The following RIMBP2 variants were observed in gnomAD, a reference collection of about 807,000 sequenced individuals.
RIMBP2 encodes RIMS binding protein 2.
Under a neutral mutation model 118.6 loss-of-function variants are expected in RIMBP2, and 48 were observed. That is an observed-to-expected ratio of 0.40 (90% CI 0.32 to 0.51). The LOEUF (loss-of-function observed/expected upper bound fraction) is 0.51. RIMBP2 is among the 20% of genes least tolerant of loss of function. The pLI is 0.41. For synonymous variants in RIMBP2, 762 were observed against 742.9 expected (o/e 1.03, Z -0.42); for missense variants, 1,551 against 1,768.3 (o/e 0.88, Z 2.20).
rs1367022577 is a variant in RIMBP2, at chr12:130,434,896, G to A, written c.2107-16C>T. The A allele has an allele frequency of 3.1e-6, 5 of 1,597,076 alleles. No homozygotes were observed. The highest frequency in any genetic ancestry group is 1.1e-5 in the South Asian group (1 of 89,552). On this transcript the variant is annotated splice_polypyrimidine_tract_variant and intron_variant, in intron 13 of 22. Coordinates refer to ENST00000690449, the MANE Select transcript of RIMBP2 (RefSeq NM_001393629.1). This position sits in a 1 kb window ranked among gnomAD's most constrained non-coding sequence, Gnocchi z 5.7. Reference sequence around the variant, plus strand: ...TTTTCTCTAACTTGGAAAGAAAAAGGAGGCACACGGGTGAGGCAGGGCCAC... The same window carrying A: ...TTTTCTCTAACTTGGAAAGAAAAAGAAGGCACACGGGTGAGGCAGGGCCAC...
intron 2 of RIMBP2, among the ~76,000 whole-genome samples, chr12:130,540,334 G>A (rs2054493420): frequency 6.6e-6 from 1 of 152,178 alleles, no homozygotes; most frequent in Non-Finnish European, 1.5e-5. Context: ...AAAGGCAGGT[G>A]AATTAAGGAA....
At chr12:130,494,666 G>GAAAAGA (rs111312487) in intron 4 of RIMBP2, among the ~76,000 whole-genome samples, 42 of 147,812 alleles carry the variant, frequency 2.8e-4, no homozygotes, top group African/African-American at 9.3e-4. Context: ...GAAAAGAAAA[G>GAAAAGA]AAAGAGCAAA....
chr12:130,624,732 T>G (rs534404925), intron 2 of RIMBP2, among the ~76,000 whole-genome samples: 1 of 152,354 alleles, frequency 6.6e-6, no homozygotes, highest in East Asian at 1.9e-4. Flanking sequence ...GGATTATATT[T>G]GGGTTTCTTT....
At chr12:130,588,318 T>C (rs2140289435) in intron 2 of RIMBP2, among the ~76,000 whole-genome samples, 1 of 152,326 alleles carries the variant, frequency 6.6e-6, no homozygotes, top group Non-Finnish European at 1.5e-5. Context: ...GTTTAGCTCA[T>C]TTTGTAATAT....
intron 6 of RIMBP2, among the ~76,000 whole-genome samples, chr12:130,457,210 C>T (rs756591252): frequency 1.2e-4 from 18 of 152,194 alleles, no homozygotes; most frequent in Non-Finnish European, 1.8e-4. Flanking sequence ...CCAGGGCGCC[C>T]GCCCCCTCGG....
intron 2 of RIMBP2, among the ~76,000 whole-genome samples, chr12:130,531,473 T>C (rs766046758): frequency 1.3e-5 from 2 of 152,270 alleles, no homozygotes; most frequent in Middle Eastern, 3.2e-3. Context: ...ACATTTTATC[T>C]AGGACGCACC....
intron 13 of RIMBP2, among the ~76,000 whole-genome samples, chr12:130,435,151 T>C (rs1397831079): frequency 6.6e-6 from 1 of 151,726 alleles, no homozygotes; most frequent in African/African-American, 2.4e-5. Context: ...GTTCAAGCAA[T>C]TCTCCTGCCA....
At position 130,628,381 on chromosome 12, in the gene RIMBP2, G is replaced by T. The variant is rs551762883; in HGVS notation, c.-276C>A. On this transcript the variant is annotated 5_prime_UTR_variant, in exon 2 of 23. Transcript: ENST00000690449. ...AGAGGAAGTGGGAAATTTCCCCAGC[G>T]GTCTCCCAAAGCTTGGGTCTGATCG... The T allele has an allele frequency of 6.6e-6, 1 of 152,174 alleles. No homozygotes were observed. The highest frequency in any genetic ancestry group is 1.5e-5 in the Non-Finnish European group (1 of 68,040). The allele number at this position is 152,174 out of a possible 1,614,324, so 9.4% of individuals were successfully genotyped here.
intron 6 of RIMBP2, among the ~76,000 whole-genome samples, chr12:130,459,775 CG>C (rs988966000): frequency 6.6e-6 from 1 of 151,154 alleles, no homozygotes; most frequent in Non-Finnish European, 1.5e-5. Flanking sequence ...CCAGAAATGA[CG>C]GGGGGTGGGG....
At chr12:130,515,171 C>T (rs527890199) in intron 3 of RIMBP2, among the ~76,000 whole-genome samples, 1 of 152,280 alleles carries the variant, frequency 6.6e-6, no homozygotes, top group South Asian at 2.1e-4. Flanking sequence ...TCACTGTGCC[C>T]AGCCTAAAAC....
At chr12:130,577,719 T>C (rs924240194) in intron 2 of RIMBP2, among the ~76,000 whole-genome samples, 1 of 152,178 alleles carries the variant, frequency 6.6e-6, no homozygotes. Context: ...ATCATCATTA[T>C]ATTGTTATTG....
At chr12:130,630,683 G>A (rs999524342) in intron 1 of RIMBP2, among the ~76,000 whole-genome samples, 4 of 152,134 alleles carry the variant, frequency 2.6e-5, no homozygotes, top group East Asian at 1.9e-4. Context: ...TCCCATAACC[G>A]TTAGAAAGAA....
At chr12:130,546,202 C>T (rs2055144838) in intron 2 of RIMBP2, among the ~76,000 whole-genome samples, 2 of 146,276 alleles carry the variant, frequency 1.4e-5, no homozygotes, top group African/African-American at 5.1e-5. Flanking sequence ...CTCCCAGGTT[C>T]AAGTGATTCT....
intron 1 of RIMBP2, among the ~76,000 whole-genome samples, chr12:130,641,459 G>A (rs1468676689): frequency 3.3e-5 from 5 of 149,622 alleles, no homozygotes; most frequent in South Asian, 2.1e-4. Context: ...CACTCGGCCC[G>A]GCATCACGGG....
At chr12:130,707,696 G>A (rs1949596166) in intron 1 of RIMBP2, among the ~76,000 whole-genome samples, 1 of 152,132 alleles carries the variant, frequency 6.6e-6, no homozygotes, top group Non-Finnish European at 1.5e-5. Flanking sequence ...GCAGGCAGAG[G>A]TGGACACAGG....
intron 1 of RIMBP2, among the ~76,000 whole-genome samples, chr12:130,664,510 C>T (rs371967493): frequency 2.6e-5 from 4 of 151,468 alleles, no homozygotes; most frequent in African/African-American, 7.3e-5. Flanking sequence ...CTGGCTCTGT[C>T]GACTACAGGA....
intron 5 of RIMBP2, among the ~76,000 whole-genome samples, chr12:130,473,463 G>A (rs1038251446): frequency 1.1e-4 from 17 of 152,222 alleles, no homozygotes; most frequent in Admixed American, 3.9e-4. Context: ...AGAAGGGAGG[G>A]CAGATTCCCT....
Position 130,442,730 on chromosome 12 carries a change from C to G in RIMBP2, c.692-70G>C. 3 of 1,271,638 alleles carry G rather than the reference C, an allele frequency of 2.4e-6. No homozygotes were observed. Among genetic ancestry groups the G allele is most frequent in the Non-Finnish European group, 3.3e-6 (3 of 909,122 alleles). The allele number at this position is 1,271,638 out of a possible 1,614,324, so 78.8% of individuals were successfully genotyped here. On this transcript the variant is annotated intron_variant, in intron 10 of 22. Transcript: ENST00000690449. The surrounding 1 kb of genome is among the most constrained non-coding windows in gnomAD (Gnocchi z 6.9). Reference sequence around the variant, plus strand: ...GGGCCTCGAGGCCCCCAGTGTACTCCCACCTCCCCCACCAGGACCATAAGG... The same window carrying G: ...GGGCCTCGAGGCCCCCAGTGTACTCGCACCTCCCCCACCAGGACCATAAGG...
intron 1 of RIMBP2, among the ~76,000 whole-genome samples, chr12:130,638,208 A>T (rs748904029): frequency 9.9e-5 from 15 of 152,216 alleles, no homozygotes; most frequent in Non-Finnish European, 2.2e-4. Context: ...ACACCGATTA[A>T]GTTCAGCTTA....
Sources: gnomAD v4.1 joint callset for allele counts (sites outside exome capture counted in the v4.1 genomes callset) on GRCh38, gnomAD v4.1.1 for gene constraint, Gnocchi (gnomAD v3.1) non-coding constraint, MANE v1.5 for transcripts, NCBI Gene and HGNC (gene_info 2026-07-23, HGNC 2026-07-21) for gene names.